The following ASIC2 variants were observed in gnomAD, a reference collection of about 807,000 sequenced individuals.
ASIC2 encodes acid sensing ion channel subunit 2.
Under a neutral mutation model 57.3 loss-of-function variants are expected in ASIC2, and 25 were observed. The ratio of observed to expected loss-of-function variants is 0.44; its 90% confidence interval spans 0.32 to 0.61. The LOEUF (loss-of-function observed/expected upper bound fraction) is 0.61. ASIC2 is among the 20% of genes least tolerant of loss of function. The probability of loss-of-function intolerance (pLI) is 0.06; values close to 1 mark genes in which losing one functional copy is unlikely to be tolerated. For missense variants in ASIC2, 641 were observed against 738.1 expected (o/e 0.87, Z 1.52); for synonymous variants, 319 against 307.5 (o/e 1.04, Z -0.39).
chr17:33,306,413 T>C (rs1162276767), intron 1 of ASIC2, among the ~76,000 whole-genome samples: 1 of 152,224 alleles, frequency 6.6e-6, no homozygotes, highest in Non-Finnish European at 1.5e-5. Context: ...ATGTCTGCCC[T>C]GCTTTGTGGA....
intron 3 of ASIC2, among the ~76,000 whole-genome samples, chr17:33,045,845 A>G (rs1472587518): frequency 6.6e-6 from 1 of 152,190 alleles, no homozygotes; most frequent in East Asian, 1.9e-4. Context: ...CTTTCTAAGA[A>G]AATTCCTGAG....
At chr17:33,046,788 T>C (rs2091956923) in intron 3 of ASIC2, among the ~76,000 whole-genome samples, 1 of 152,216 alleles carries the variant, frequency 6.6e-6, no homozygotes, top group African/African-American at 2.4e-5. Flanking sequence ...TCACTGATAA[T>C]TCTCCCTTGA....
intron 1 of ASIC2, among the ~76,000 whole-genome samples, chr17:33,222,911 C>A (rs1336351811): frequency 6.6e-6 from 1 of 152,042 alleles, no homozygotes; most frequent in Non-Finnish European, 1.5e-5. Flanking sequence ...CATCAGGAAT[C>A]CAGGATCACA....
chr17:33,443,705 C>T (rs576271471), intron 1 of ASIC2, among the ~76,000 whole-genome samples: 24 of 151,500 alleles, frequency 1.6e-4, no homozygotes, highest in South Asian at 8.4e-4. Flanking sequence ...CGTGAGCCAC[C>T]GCGCCCGGCC....
At chr17:33,755,620 C>T (rs1405055576) in intron 1 of ASIC2, among the ~76,000 whole-genome samples, 1 of 152,224 alleles carries the variant, frequency 6.6e-6, no homozygotes, top group Non-Finnish European at 1.5e-5. Context: ...GTAACAAAAT[C>T]TACCAAACAC....
chr17:33,311,201 C>T (rs957743511), intron 1 of ASIC2, among the ~76,000 whole-genome samples: 4 of 152,196 alleles, frequency 2.6e-5, no homozygotes, highest in Admixed American at 1.3e-4. Flanking sequence ...TTCAACCATG[C>T]TTCTAGGTCT....
chr17:34,064,053 G>C (rs1455329356), intron 1 of ASIC2, among the ~76,000 whole-genome samples: 2 of 151,976 alleles, frequency 1.3e-5, no homozygotes, highest in African/African-American at 2.4e-5. Flanking sequence ...AACCAAAAAA[G>C]AGCTCACCTA....
At chr17:33,957,411 G>C (rs962047156) in intron 1 of ASIC2, among the ~76,000 whole-genome samples, 6 of 152,198 alleles carry the variant, frequency 3.9e-5, no homozygotes, top group Non-Finnish European at 5.9e-5. Flanking sequence ...GGACATATCT[G>C]AAACTGGGTA....
At chr17:33,791,413 T>C (rs1056503906) in intron 1 of ASIC2, among the ~76,000 whole-genome samples, 1 of 152,220 alleles carries the variant, frequency 6.6e-6, no homozygotes, top group Admixed American at 6.5e-5. Context: ...AGATTCCTTT[T>C]GCTGTAGAAG....
chr17:33,548,442 GAAGA>G lies in ASIC2; in HGVS notation c.556-436379_556-436376del, dbSNP rs1195230584. Among the ~76,000 whole-genome samples, 4 of 152,244 alleles carry G rather than the reference GAAGA, an allele frequency of 2.6e-5. No homozygotes were observed. The South Asian group carries it at 8.3e-4, about 32-fold the overall frequency. Reference sequence around the variant, plus strand: ...GCTTGTTCCGCTCAGTGTTTAATTAGAAGAAAGGACAAAGTGCTTCACTCTGCAA... The same window carrying G: ...GCTTGTTCCGCTCAGTGTTTAATTAGAAGGACAAAGTGCTTCACTCTGCAA... On this transcript the variant is annotated intron_variant, in intron 1 of 9. Coordinates refer to the ASIC2 transcript ENST00000359872.
At chr17:33,579,795 G>A (rs558796753) in intron 1 of ASIC2, among the ~76,000 whole-genome samples, 220 of 152,252 alleles carry the variant, frequency 1.4e-3, no homozygotes, top group Admixed American at 2.5e-3. Flanking sequence ...CTACCACACC[G>A]TGAAAAACAC....
intron 3 of ASIC2, among the ~76,000 whole-genome samples, chr17:33,084,577 T>C (rs2092127172): frequency 6.6e-6 from 1 of 152,262 alleles, no homozygotes; most frequent in African/African-American, 2.4e-5. Context: ...AGTTTTGTCA[T>C]CTGCAAAGTG....
At chr17:33,400,482 G>A (rs946824390) in intron 1 of ASIC2, among the ~76,000 whole-genome samples, 14 of 152,152 alleles carry the variant, frequency 9.2e-5, no homozygotes, top group African/African-American at 3.1e-4. Context: ...GTAGATTTGT[G>A]TCATTTGTGA....
At chr17:33,712,227 G>A (rs1417142319) in intron 1 of ASIC2, among the ~76,000 whole-genome samples, 3 of 152,164 alleles carry the variant, frequency 2.0e-5, no homozygotes, top group Non-Finnish European at 4.4e-5. Context: ...TGCCTTCTGT[G>A]CAGGCAATGG....
intron 1 of ASIC2, among the ~76,000 whole-genome samples, chr17:33,865,351 C>A (rs1914203830): frequency 6.6e-6 from 1 of 152,152 alleles, no homozygotes; most frequent in Non-Finnish European, 1.5e-5. Context: ...TCCTTTTTCA[C>A]AAGAGAAGCA....
chr17:33,180,427 C>A (rs73277898), intron 1 of ASIC2, among the ~76,000 whole-genome samples: 3,451 of 152,238 alleles, frequency 0.023, 125 homozygotes, highest in African/African-American at 0.079. Flanking sequence ...CTTCTGTCCC[C>A]TCAGCTGGGT....
At chr17:34,017,622 G>A (rs1035543664) in intron 1 of ASIC2, among the ~76,000 whole-genome samples, 1 of 152,236 alleles carries the variant, frequency 6.6e-6, no homozygotes, top group Admixed American at 6.5e-5. Flanking sequence ...GAAATTACAA[G>A]TGCTATTCCA....
At chr17:33,574,073 G>A (rs528297999) in intron 1 of ASIC2, among the ~76,000 whole-genome samples, 2 of 152,324 alleles carry the variant, frequency 1.3e-5, no homozygotes, top group South Asian at 2.1e-4. Context: ...GCACAGGGAG[G>A]AGGAGCTCTC....
chr17:33,444,269 T>G (rs2141985916), intron 1 of ASIC2, among the ~76,000 whole-genome samples: 1 of 152,342 alleles, frequency 6.6e-6, no homozygotes, highest in East Asian at 1.9e-4. Context: ...ACCTGTCAGC[T>G]AAGCTTCTCC....
Sources: allele counts gnomAD v4.1 joint callset (sites outside exome capture counted in the v4.1 genomes callset), GRCh38; gene constraint gnomAD v4.1.1; transcripts MANE v1.5; gene names NCBI Gene and HGNC (gene_info 2026-07-23, HGNC 2026-07-21).